The following TMEM178A variants were observed in gnomAD, a reference collection of about 807,000 sequenced individuals.
TMEM178A encodes the protein transmembrane protein 178A.
In TMEM178A, 12 loss-of-function variants were observed where a neutral mutation model predicts 29.1. The ratio of observed to expected loss-of-function variants is 0.41; its 90% CI spans 0.26 to 0.67. The LOEUF (loss-of-function observed/expected upper bound fraction) is 0.67, where lower values mean the gene tolerates loss of function less well. TMEM178A is among the 30% of genes least tolerant of loss of function. TMEM178A has a pLI of 0.29. For missense variants in TMEM178A, 366 were observed against 419.1 expected, an observed-to-expected ratio of 0.87 and a Z score of 1.11; for synonymous variants, 210 against 187.2, an observed-to-expected ratio of 1.12 and a Z score of -0.99.
chr2:39,722,916 C>T (rs943837969), downstream of TMEM178A, among the ~76,000 whole-genome samples: 2 of 152,098 alleles, frequency 1.3e-5, no homozygotes, highest in African/African-American at 4.8e-5. Context: ...TAAATCAGGA[C>T]CTTAGAGGTA....
chr2:39,666,428 G>T (rs1670162352), intron 1 of TMEM178A, 54 bp downstream of exon 1: 2 of 1,240,918 alleles, frequency 1.6e-6, no homozygotes, highest in Admixed American at 8.5e-5. Context: ...AGCGCAGCCC[G>T]CGGCTTCCCA....
At chr2:39,693,691 C>A (rs995884759) in intron 1 of TMEM178A, among the ~76,000 whole-genome samples, 3 of 152,158 alleles carry the variant, frequency 2.0e-5, no homozygotes, top group Non-Finnish European at 2.9e-5. Flanking sequence ...AAAATTATAT[C>A]TTCTCTTTAG....
intron 1 of TMEM178A, among the ~76,000 whole-genome samples, chr2:39,671,268 C>A (rs1016758262): frequency 6.6e-6 from 1 of 152,186 alleles, no homozygotes; most frequent in African/African-American, 2.4e-5. Context: ...TTGCTTATTT[C>A]CCATGAAATT....
chr2:39,670,441 T>A (rs1670365195), intron 1 of TMEM178A, among the ~76,000 whole-genome samples: 1 of 152,260 alleles, frequency 6.6e-6, no homozygotes, highest in South Asian at 2.1e-4. Context: ...TAGTATTTTC[T>A]AGTGGATTAT....
At chr2:39,686,736 C>T (rs1167727035) in intron 1 of TMEM178A, among the ~76,000 whole-genome samples, 1 of 152,002 alleles carries the variant, frequency 6.6e-6, no homozygotes, top group African/African-American at 2.4e-5. Context: ...TGGGTGCTAA[C>T]CTCTGATTTT....
the TMEM178A span, among the ~76,000 whole-genome samples, chr2:39,734,665 C>T: frequency 6.6e-6 from 1 of 152,336 alleles, no homozygotes. Flanking sequence ...ACAAGATCTG[C>T]TAGTTTAGAC....
chr2:39,683,194 A>G (rs914225310), intron 1 of TMEM178A, among the ~76,000 whole-genome samples: 1 of 152,168 alleles, frequency 6.6e-6, no homozygotes, highest in Admixed American at 6.5e-5. Context: ...AAATCTGGAC[A>G]CTGACTAATT....
At chr2:39,670,016 C>T (rs547966463) in intron 1 of TMEM178A, among the ~76,000 whole-genome samples, 40 of 152,316 alleles carry the variant, frequency 2.6e-4, no homozygotes, top group Admixed American at 1.9e-3. Flanking sequence ...TCTTGCAGCA[C>T]TGGCTAACTT....
intron 1 of TMEM178A, among the ~76,000 whole-genome samples, chr2:39,686,605 G>A (rs1036093753): frequency 6.6e-6 from 1 of 151,798 alleles, no homozygotes; most frequent in African/African-American, 2.4e-5. Flanking sequence ...CTGCAGCTCT[G>A]GGCTACGGAT....
chr2:39,665,797 A>G, upstream of TMEM178A: 2 of 479,362 alleles, frequency 4.2e-6, no homozygotes, highest in Non-Finnish European at 6.3e-6. Flanking sequence ...GGGAGGCGAG[A>G]TCAGGCCAGG....
rs531129821 is a variant in TMEM178A, at chr2:39,705,369, C to A, written c.514+1175C>A. 5.3e-5 allele frequency among the ~76,000 whole-genome samples: 8 copies of A among 152,268 alleles called. 1 individual carries two copies. The South Asian group carries it at 1.0e-3, about 20-fold the overall frequency. The stretch of plus-strand genomic sequence containing the variant: ...AAATCCCATGTGGATTATATCTGAA[C>A]CTTGTGCCTTTTCAGAGTCACAGAA... On this transcript the variant is annotated intron_variant, in intron 2 of 3. Coordinates refer to ENST00000281961, the MANE Select transcript of TMEM178A (RefSeq NM_152390.3).
chr2:39,682,917 T>C (rs889290721), intron 1 of TMEM178A, among the ~76,000 whole-genome samples: 3 of 152,148 alleles, frequency 2.0e-5, no homozygotes, highest in Non-Finnish European at 4.4e-5. Flanking sequence ...ACAATTCTCC[T>C]CTTCACAGCC....
intron 3 of TMEM178A, among the ~76,000 whole-genome samples, chr2:39,709,346 A>G (rs936096058): frequency 6.6e-6 from 1 of 152,228 alleles, no homozygotes; most frequent in Non-Finnish European, 1.5e-5. Context: ...GCATCCTGGA[A>G]CATTCAGAAG....
At chr2:39,710,608 T>G (rs1672259961) in intron 3 of TMEM178A, among the ~76,000 whole-genome samples, 1 of 152,216 alleles carries the variant, frequency 6.6e-6, no homozygotes, top group Non-Finnish European at 1.5e-5. Context: ...CCTTGAAATT[T>G]CCTTTGCAAA....
chr2:39,711,592 G>A (rs973625906), intron 3 of TMEM178A, among the ~76,000 whole-genome samples: 1 of 152,018 alleles, frequency 6.6e-6, no homozygotes, highest in African/African-American at 2.4e-5. Flanking sequence ...AGAGCTCCAG[G>A]GACAGTTAAC....
intron 1 of TMEM178A, among the ~76,000 whole-genome samples, chr2:39,679,377 A>T (rs1670772513): frequency 7.1e-6 from 1 of 140,784 alleles, no homozygotes; most frequent in Admixed American, 7.5e-5. Flanking sequence ...TAATCCAAAG[A>T]AGATAAGGTA....
the TMEM178A span, among the ~76,000 whole-genome samples, chr2:39,730,275 T>G: frequency 6.6e-5 from 10 of 152,118 alleles, no homozygotes; most frequent in Non-Finnish European, 1.5e-4. Flanking sequence ...CAGAGTGGAT[T>G]AAATGGACAA....
the TMEM178A span, among the ~76,000 whole-genome samples, chr2:39,724,765 A>C: frequency 6.6e-6 from 1 of 152,188 alleles, no homozygotes; most frequent in South Asian, 2.1e-4. Context: ...TCAGAGCATT[A>C]ACCCAAGATC....
At chr2:39,722,595 C>T (rs563451329), downstream of TMEM178A, among the ~76,000 whole-genome samples, 1 of 152,136 alleles carries the variant, frequency 6.6e-6, no homozygotes, top group Non-Finnish European at 1.5e-5. Flanking sequence ...GATTTCAGTC[C>T]AGGCACAAAG....
Sources: gnomAD v4.1 joint callset for allele counts (sites outside exome capture counted in the v4.1 genomes callset) on GRCh38, gnomAD v4.1.1 for gene constraint, MANE v1.5 for transcripts, NCBI Gene and HGNC (gene_info 2026-07-23, HGNC 2026-07-21) for gene names.